Variants in RNF216 observed in about 807,000 individuals in gnomAD.
RNF216 encodes E3 ubiquitin-protein ligase RNF216.
Under a neutral mutation model 110.8 loss-of-function variants are expected in RNF216, and 72 were observed. The ratio of observed to expected loss-of-function variants is 0.65; its 90% CI spans 0.54 to 0.79. The LOEUF is 0.79. Among genes scored for constraint, RNF216 ranks in the 30% least tolerant of loss-of-function variants. The probability of loss-of-function intolerance (pLI) is 0.00; values close to 1 mark genes in which losing one functional copy is unlikely to be tolerated. For missense variants in RNF216, 1,342 were observed against 1,141.2 expected (o/e 1.18, Z -2.54); for synonymous variants, 495 against 407.5 (o/e 1.21, Z -2.59).
At chr7:5,630,161 C>T (rs1786982577) in intron 15 of RNF216, among the ~76,000 whole-genome samples, 1 of 152,082 alleles carries the variant, frequency 6.6e-6, no homozygotes, top group Non-Finnish European at 1.5e-5. Context: ...GGGGCTGAGT[C>T]ACAAACAGGA....
intron 10 of RNF216, among the ~76,000 whole-genome samples, chr7:5,715,804 C>T (rs191103839): frequency 8.9e-5 from 13 of 146,168 alleles, no homozygotes; most frequent in Non-Finnish European, 1.8e-4. Flanking sequence ...TGCAGTGGCA[C>T]GATCTTGGCT....
At chr7:5,771,908 C>T (rs1796515699) in intron 1 of RNF216, among the ~76,000 whole-genome samples, 1 of 152,004 alleles carries the variant, frequency 6.6e-6, no homozygotes, top group African/African-American at 2.4e-5. Context: ...AAAAAGTGTC[C>T]AACATTATGA....
chr7:5,718,251 C>A (rs529141820), intron 9 of RNF216, among the ~76,000 whole-genome samples: 1 of 151,848 alleles, frequency 6.6e-6, no homozygotes, highest in East Asian at 2.0e-4. Context: ...CATGGTGGGG[C>A]GCACCTGTAA....
At chr7:5,651,555 C>A (rs1183455507) in intron 14 of RNF216, among the ~76,000 whole-genome samples, 1 of 152,038 alleles carries the variant, frequency 6.6e-6, no homozygotes, top group Non-Finnish European at 1.5e-5. Context: ...TGAATAACGT[C>A]AGGAGATAGA....
intron 3 of RNF216, among the ~76,000 whole-genome samples, chr7:5,751,957 G>A (rs893474017): frequency 6.6e-6 from 1 of 152,046 alleles, no homozygotes; most frequent in African/African-American, 2.4e-5. Flanking sequence ...GGAGGCTGAG[G>A]GGGGCGGATC....
At chr7:5,739,801 A>C (rs1794650397) in intron 4 of RNF216, among the ~76,000 whole-genome samples, 1 of 151,882 alleles carries the variant, frequency 6.6e-6, no homozygotes, top group Non-Finnish European at 1.5e-5. Flanking sequence ...AGGAGTTCAA[A>C]ACCAGCCTGG....
intron 5 of RNF216, 90 bp downstream of exon 5, chr7:5,739,186 A>G (rs1438486202): frequency 2.9e-6 from 4 of 1,370,460 alleles, no homozygotes; most frequent in African/African-American, 1.5e-5. Context: ...CAAATTGTAT[A>G]TTTAAAAATG....
chr7:5,754,538 G>T (rs1272442360), intron 2 of RNF216, among the ~76,000 whole-genome samples: 1 of 151,918 alleles, frequency 6.6e-6, no homozygotes, highest in African/African-American at 2.4e-5. Flanking sequence ...ACGCTATGGG[G>T]GATCATTCTG....
intron 10 of RNF216, among the ~76,000 whole-genome samples, chr7:5,716,312 C>T (rs931305141): frequency 1.3e-5 from 2 of 152,042 alleles, no homozygotes; most frequent in African/African-American, 4.8e-5. Context: ...GAGTTCAAGA[C>T]CAGCCTGGCC....
rs578182460 is a variant in RNF216 at position 5,746,736 on chromosome 7, A to C, written c.202-4921T>G. On this transcript the variant is annotated intron_variant, in intron 3 of 16. Coordinates refer to ENST00000389902, the MANE Select transcript of RNF216 (RefSeq NM_207111.4). ...TGGTAGTCTTGCCTTTTCATGTATAAAACTTCTGGCTCCAGAAGCTACAAA... is the reference window on the plus strand; with the variant it reads ...TGGTAGTCTTGCCTTTTCATGTATACAACTTCTGGCTCCAGAAGCTACAAA... 3.3e-5 allele frequency among the ~76,000 whole-genome samples: 5 copies of C among 152,280 alleles called. No homozygotes were observed. In the East Asian group the frequency reaches 9.6e-4, roughly 29 times the overall value.
chr7:5,688,116 T>C (rs1224361949), intron 13 of RNF216, among the ~76,000 whole-genome samples: 3 of 152,242 alleles, frequency 2.0e-5, no homozygotes, highest in African/African-American at 7.2e-5. Context: ...CTCTATGTCC[T>C]GGATTCCCAC....
chr7:5,688,746 A>G (rs992522426), intron 13 of RNF216, among the ~76,000 whole-genome samples: 3 of 151,886 alleles, frequency 2.0e-5, no homozygotes, highest in Middle Eastern at 3.2e-3. Flanking sequence ...TTGGACTGGG[A>G]TATCTGTAAA....
Position 5,731,208 on chromosome 7 carries a change from C to G in RNF216, c.1122-391G>C, listed in dbSNP as rs183304409. On this transcript the variant is annotated intron_variant, in intron 5 of 16. Transcript: ENST00000389902. The stretch of plus-strand genomic sequence containing the variant: ...AGTAAGAAGTGGAAAACTGTGTGTT[C>G]ACATTTACAGTAAAAAACAGTCTGC... Among the ~76,000 whole-genome samples, 3 of 152,270 alleles carry G rather than the reference C, an allele frequency of 2.0e-5. No individual in the cohort carries two copies. In the East Asian group the frequency reaches 5.8e-4, roughly 29 times the overall value.
In RNF216 at chr7:5,741,785, G is replaced by A. The variant is rs773742542; in HGVS notation, c.232C>T (p.Leu78Phe). Residue 78 changes from leucine to phenylalanine, a missense_variant, in exon 4 of 17, where the codon CTC becomes TTC. Leu to Phe is a conservative substitution (Grantham distance 22). Coordinates refer to ENST00000389902, the MANE Select transcript of RNF216 (RefSeq NM_207111.4). ...TNKPQRSRPN[L>F]IKPAAQWQDL... ...TGCCACTGGGCAGCTGGTTTGATGA[G>A]ATTGGGTCGTGATCTCTGAGGTTTA... The A allele has an allele frequency of 1.2e-6, 2 of 1,612,526 alleles. No homozygotes were observed. The highest frequency in any genetic ancestry group is 1.3e-5 in the African/African-American group (1 of 74,860).
rs1444125777 is a variant in RNF216, at chr7:5,729,539, A to C, written c.1282T>G (p.Phe428Val). The C allele has an allele frequency of 1.9e-6, 3 of 1,613,970 alleles. No homozygotes were observed. Among genetic ancestry groups the C allele is most frequent in the Non-Finnish European group, 2.5e-6 (3 of 1,179,932 alleles). Reference sequence around the variant, plus strand: ...ATGAGGAGGTCAGCAGCTTGGATGAAGCAGCGCTGGTCAAGAGGGGTCAAT... The same window carrying C: ...ATGAGGAGGTCAGCAGCTTGGATGACGCAGCGCTGGTCAAGAGGGGTCAAT... ...SKLTPLDQRC[F>V]IQAADLLMAD... is the part of the protein sequence containing the mutation. The change falls in exon 7 of 17, where the codon TTC becomes GTC. Residue 428 changes from phenylalanine to valine, a missense_variant. Physicochemically the swap from Phe to Val is conservative, Grantham distance 50. Transcript: ENST00000389902.
intron 13 of RNF216, among the ~76,000 whole-genome samples, chr7:5,669,524 G>A (rs1217128960): frequency 6.6e-6 from 1 of 152,208 alleles, no homozygotes; most frequent in Non-Finnish European, 1.5e-5. Flanking sequence ...TAGAGAGTGA[G>A]GTGAGGGGTC....
At chr7:5,657,623 G>A (rs1173104772) in intron 13 of RNF216, among the ~76,000 whole-genome samples, 1 of 152,004 alleles carries the variant, frequency 6.6e-6, no homozygotes, top group Non-Finnish European at 1.5e-5. Context: ...GCACTCTTGA[G>A]GTAAAAGGCC....
At chr7:5,772,755 A>G (rs1404792538) in intron 1 of RNF216, among the ~76,000 whole-genome samples, 1 of 151,722 alleles carries the variant, frequency 6.6e-6, no homozygotes, top group Non-Finnish European at 1.5e-5. Context: ...TCTAGCATTG[A>G]TAACTGAAAA....
At chr7:5,684,026 G>C (rs1319234324) in intron 13 of RNF216, among the ~76,000 whole-genome samples, 1 of 149,232 alleles carries the variant, frequency 6.7e-6, no homozygotes, top group Non-Finnish European at 1.5e-5. Context: ...GCAGCAAGTT[G>C]ATTTGGTCTG....
Sources: gnomAD v4.1 joint callset for allele counts (sites outside exome capture counted in the v4.1 genomes callset) on GRCh38, gnomAD v4.1.1 for gene constraint, MANE v1.5 for transcripts, NCBI Gene and HGNC (gene_info 2026-07-23, HGNC 2026-07-21) for gene names.